The following VWA8 variants were observed in gnomAD, a reference collection of about 807,000 sequenced individuals.
VWA8 encodes von Willebrand factor A domain-containing protein 8.
Under a neutral mutation model 241.5 loss-of-function variants are expected in VWA8, and 221 were observed. The observed-to-expected ratio is 0.91, with a 90% CI of 0.82 to 1.02. The LOEUF is 1.02. Ranked by LOEUF, VWA8 falls within the 50% of genes least tolerant of loss-of-function variation. The pLI is 0.00. For synonymous variants in VWA8, 852 were observed against 827.1 expected, an observed-to-expected ratio of 1.03 and a Z score of -0.52; for missense variants, 2,322 against 2,328.7, an observed-to-expected ratio of 1.00 and a Z score of 0.06.
chr13:41,648,517 A>G (rs574717620), intron 37 of VWA8, among the ~76,000 whole-genome samples: 54 of 152,338 alleles, frequency 3.5e-4, no homozygotes, highest in Non-Finnish European at 6.6e-4. Context: ...ACAGTATGTC[A>G]AAGACTTAAC....
intron 35 of VWA8, among the ~76,000 whole-genome samples, chr13:41,681,359 C>T (rs981845281): frequency 5.3e-5 from 8 of 152,158 alleles, no homozygotes; most frequent in African/African-American, 1.9e-4. Context: ...ATAAAGCCTA[C>T]CTTCCCATTT....
At chr13:41,669,252 T>TGTTAGATC (rs1456840813) in intron 37 of VWA8, among the ~76,000 whole-genome samples, 1 of 152,252 alleles carries the variant, frequency 6.6e-6, no homozygotes, top group Non-Finnish European at 1.5e-5. Context: ...ATTCTTGAGA[T>TGTTAGATC]GTTAGATCCA....
At chr13:41,727,061 TAATA>T (rs1428992613) in intron 24 of VWA8, 129 bp downstream of exon 24, 14 of 713,444 alleles carry the variant, frequency 2.0e-5, no homozygotes, top group Non-Finnish European at 2.8e-5. Context: ...AAAAGGGGGA[TAATA>T]AATATTCTCA....
At chr13:41,759,400 G>GT (rs562627534) in intron 21 of VWA8, among the ~76,000 whole-genome samples, 137 of 150,958 alleles carry the variant, frequency 9.1e-4, no homozygotes, top group South Asian at 4.0e-3. Flanking sequence ...GCTATGTAGT[G>GT]TTTTTTTTGT....
At chr13:41,624,723 A>G (rs2044678052) in intron 37 of VWA8, among the ~76,000 whole-genome samples, 1 of 152,240 alleles carries the variant, frequency 6.6e-6, no homozygotes, top group African/African-American at 2.4e-5. Flanking sequence ...CATCATACTG[A>G]ATGGGCAAAG....
chr13:41,601,217 C>T (rs2044519206), intron 40 of VWA8, among the ~76,000 whole-genome samples: 1 of 152,118 alleles, frequency 6.6e-6, no homozygotes, highest in Admixed American at 6.6e-5. Flanking sequence ...CTAAGCTTCC[C>T]TCTACCTAGG....
intron 40 of VWA8, among the ~76,000 whole-genome samples, chr13:41,593,789 T>A (rs1357702408): frequency 6.6e-6 from 1 of 152,168 alleles, no homozygotes; most frequent in Non-Finnish European, 1.5e-5. Context: ...TAGTCTAGAC[T>A]GGGAAAACCA....
chr13:41,707,153 A>T (rs1290314626), intron 26 of VWA8, among the ~76,000 whole-genome samples: 1 of 152,176 alleles, frequency 6.6e-6, no homozygotes, highest in Non-Finnish European at 1.5e-5. Context: ...TTCTTTTTTT[A>T]AAAAACACAC....
At chr13:41,892,757 T>C (rs183708101) in intron 4 of VWA8, among the ~76,000 whole-genome samples, 2 of 152,314 alleles carry the variant, frequency 1.3e-5, no homozygotes, top group Admixed American at 1.3e-4. Context: ...TTATTTTCTA[T>C]CTGGGGTGTG....
chr13:41,572,478 T>TA (rs2044314159), intron 43 of VWA8, among the ~76,000 whole-genome samples: 1 of 152,212 alleles, frequency 6.6e-6, no homozygotes, highest in African/African-American at 2.4e-5. Flanking sequence ...GGGATGCTGT[T>TA]AATCTATAAC....
chr13:41,912,552 T>G (rs1179972133), intron 2 of VWA8, among the ~76,000 whole-genome samples: 1 of 152,186 alleles, frequency 6.6e-6, no homozygotes, highest in Non-Finnish European at 1.5e-5. Context: ...CTGATTTGAT[T>G]AATCACAATT....
intron 12 of VWA8, among the ~76,000 whole-genome samples, chr13:41,860,098 T>G (rs954658552): frequency 6.6e-6 from 1 of 152,196 alleles, no homozygotes; most frequent in Non-Finnish European, 1.5e-5. Context: ...AGCAACTGAT[T>G]ATTTACATGG....
intron 21 of VWA8, among the ~76,000 whole-genome samples, chr13:41,739,862 T>TG (rs2045555671): frequency 8.8e-6 from 1 of 113,932 alleles, no homozygotes; most frequent in African/African-American, 3.3e-5. Flanking sequence ...TTTTTGTTTT[T>TG]TTTTTTTTTT....
chr13:41,672,681 G>C (rs1473120907), intron 36 of VWA8, among the ~76,000 whole-genome samples: 4 of 152,254 alleles, frequency 2.6e-5, no homozygotes, highest in South Asian at 4.1e-4. Context: ...AGAAGACTTA[G>C]AAAATGTTCA....
chr13:41,805,995 C>CAAAA (rs1215137704), intron 17 of VWA8, among the ~76,000 whole-genome samples: 1 of 86,522 alleles, frequency 1.2e-5, no homozygotes, highest in Non-Finnish European at 2.6e-5. Flanking sequence ...TTAAAAAATT[C>CAAAA]AAAAATAAAA....
intron 2 of VWA8, among the ~76,000 whole-genome samples, chr13:41,937,413 G>A (rs1220369909): frequency 6.6e-6 from 1 of 152,154 alleles, no homozygotes; most frequent in Non-Finnish European, 1.5e-5. Context: ...TCAGGCATTA[G>A]GTTCTCATAA....
chr13:41,571,510 G>T (rs1055975062), intron 43 of VWA8, among the ~76,000 whole-genome samples: 1 of 152,138 alleles, frequency 6.6e-6, no homozygotes, highest in Non-Finnish European at 1.5e-5. Context: ...CGCCACACCT[G>T]ACTGGTTTTT....
At chr13:41,806,375 C>T (rs546651179) in intron 17 of VWA8, among the ~76,000 whole-genome samples, 13 of 152,218 alleles carry the variant, frequency 8.5e-5, no homozygotes, top group African/African-American at 3.1e-4. Context: ...AGATAATAAA[C>T]ATCAGAGCAG....
rs1318636888 is a variant in VWA8, at chr13:41,891,142, G to A, written c.651+278C>T. On this transcript the variant is annotated intron_variant, in intron 5 of 44. Coordinates refer to ENST00000379310, the MANE Select transcript of VWA8 (RefSeq NM_015058.2). ...AAAAAAGGAGATGGGAAAAGAGGAA[G>A]AAAGAGAAGAAGAAAAAATAGGAAA... 9.0e-5 allele frequency among the ~76,000 whole-genome samples: 12 copies of A among 133,942 alleles called. No individual in the cohort carries two copies. The Admixed American group carries it at 9.1e-4, about 10-fold the overall frequency. 87.9% of individuals were successfully genotyped at this position (133,942 alleles called of 152,430 possible). A position where few individuals can be genotyped will look rare whatever the true frequency, so the allele number is the denominator to read the frequency against.
Sources: allele counts gnomAD v4.1 joint callset (sites outside exome capture counted in the v4.1 genomes callset), GRCh38; gene constraint gnomAD v4.1.1; transcripts MANE v1.5; gene names NCBI Gene and HGNC (gene_info 2026-07-23, HGNC 2026-07-21).